ERCC8: variants seen among roughly 807,000 people sequenced by gnomAD.
ERCC8 encodes the protein DNA excision repair protein ERCC-8.
ERCC8 carries 52 observed loss-of-function variants against 54.9 expected under a neutral mutation model. The observed-to-expected ratio is 0.95, with a 90% CI of 0.76 to 1.19. ERCC8 has a LOEUF of 1.19. ERCC8 is among the 50% of genes most tolerant of loss of function. The pLI is 0.00. For synonymous variants in ERCC8, 146 were observed against 157.2 expected, an observed-to-expected ratio of 0.93 and a Z score of 0.53; for missense variants, 514 against 466.1, an observed-to-expected ratio of 1.10 and a Z score of -0.95.
chr5:60,939,543 G>A (rs1375051903), intron 1 of ERCC8, among the ~76,000 whole-genome samples: 1 of 152,034 alleles, frequency 6.6e-6, no homozygotes, highest in Non-Finnish European at 1.5e-5. Context: ...TGTCACCCAG[G>A]CTGGAGGGTG....
At chr5:60,894,719 A>C (rs998266310) in intron 9 of ERCC8, among the ~76,000 whole-genome samples, 6 of 152,084 alleles carry the variant, frequency 3.9e-5, no homozygotes, top group African/African-American at 1.4e-4. Flanking sequence ...ACTAATGCAA[A>C]TTTGAGAAGC....
rs1747878444 is a variant in ERCC8 at position 60,872,242 on chromosome 5, G to C, written c.*2373C>G. Among the ~76,000 whole-genome samples the C allele has an allele frequency of 6.6e-6, 1 of 152,094 alleles. No individual in the cohort carries two copies. Among genetic ancestry groups the C allele is most frequent in the African/African-American group, 2.4e-5 (1 of 41,418 alleles). On this transcript the variant is annotated 3_prime_UTR_variant, in exon 12 of 12. Coordinates refer to ENST00000676185, the MANE Select transcript of ERCC8 (RefSeq NM_000082.4). ...AGAAAATGCTCCATGACATTGGTCT[G>C]GGCAATGATTTTTTTGGATACGATC...
chr5:60,932,517 G>A (rs193282355), intron 1 of ERCC8, among the ~76,000 whole-genome samples: 2 of 152,298 alleles, frequency 1.3e-5, no homozygotes, highest in African/African-American at 4.8e-5. Flanking sequence ...GAGCTTCCCT[G>A]ATAGACATTT....
intron 9 of ERCC8, among the ~76,000 whole-genome samples, chr5:60,896,327 C>T (rs1432982737): frequency 1.3e-5 from 2 of 152,198 alleles, no homozygotes; most frequent in Non-Finnish European, 2.9e-5. Context: ...AGCGATTCTC[C>T]TGTGTCAGCC....
intron 1 of ERCC8, among the ~76,000 whole-genome samples, chr5:60,939,442 A>G (rs1750191204): frequency 6.6e-6 from 1 of 152,074 alleles, no homozygotes; most frequent in African/African-American, 2.4e-5. Flanking sequence ...TTCTTCTGAT[A>G]GACTGGTTTG....
At chr5:60,876,985 G>C (rs1362550947) in intron 11 of ERCC8, among the ~76,000 whole-genome samples, 1 of 152,124 alleles carries the variant, frequency 6.6e-6, no homozygotes, top group African/African-American at 2.4e-5. Flanking sequence ...TAATGCCTAG[G>C]TTTTCTTCTG....
chr5:60,945,020 A>C lies in ERCC8; in HGVS notation c.-12T>G. On this transcript the variant is annotated 5_prime_UTR_variant, in exon 1 of 12. Coordinates refer to ENST00000676185, the MANE Select transcript of ERCC8 (RefSeq NM_000082.4). ...AAAAACCCCAGCATATCGTGTCCTC[A>C]CACCGGCTGGAGCACTGGACGTCGC... is the stretch of plus-strand genomic sequence containing the variant. 1.9e-6 allele frequency: 3 copies of C among 1,611,804 alleles called. No homozygotes were observed. Among genetic ancestry groups the C allele is most frequent in the East Asian group, 2.2e-5 (1 of 44,828 alleles).
At chr5:60,906,780 A>T (rs893880870) in intron 4 of ERCC8, among the ~76,000 whole-genome samples, 1 of 151,852 alleles carries the variant, frequency 6.6e-6, no homozygotes, top group Non-Finnish European at 1.5e-5. Context: ...TACATAAAAT[A>T]AAAAAAATAG....
At chr5:60,903,110 ATT>A (rs1580005245) in intron 6 of ERCC8, among the ~76,000 whole-genome samples, 2 of 151,906 alleles carry the variant, frequency 1.3e-5, no homozygotes, top group East Asian at 3.8e-4. Flanking sequence ...TTCTTAACAT[ATT>A]TGTTATGTGT....
At chr5:60,903,815 C>T in intron 5 of ERCC8, 99 bp from the exon 6 acceptor site, 1 of 1,209,446 alleles carries the variant, frequency 8.3e-7, no homozygotes. Context: ...TCACTGTATC[C>T]ATGCAGAAAT....
chr5:60,944,265 G>A (rs1292252517), intron 1 of ERCC8, among the ~76,000 whole-genome samples: 3 of 152,058 alleles, frequency 2.0e-5, no homozygotes, highest in Non-Finnish European at 2.9e-5. Flanking sequence ...TGTGGCCCAG[G>A]CTTCCAACAA....
chr5:60,871,759 C>T lies in ERCC8; in HGVS notation c.*2856G>A, dbSNP rs879322055. On this transcript the variant is annotated 3_prime_UTR_variant, in exon 12 of 12. Transcript: ENST00000676185. The stretch of plus-strand genomic sequence containing the variant: ...TTACTTGCAGTTTGGAAGCAGACTT[C>T]CTTTTTCTTAAAAATAAATTTCCAA... 2.6e-5 allele frequency among the ~76,000 whole-genome samples: 4 copies of T among 152,122 alleles called. No homozygotes were observed. Among genetic ancestry groups the T allele is most frequent in the Non-Finnish European group, 5.9e-5 (4 of 68,018 alleles).
intron 9 of ERCC8, chr5:60,893,032 G>A (rs999316814): frequency 6.4e-6 from 5 of 784,602 alleles, no homozygotes; most frequent in Middle Eastern, 4.6e-4. Context: ...AACTCATTCC[G>A]AAGGTAATCC....
intron 4 of ERCC8, among the ~76,000 whole-genome samples, chr5:60,912,708 G>A (rs1749306285): frequency 6.6e-6 from 1 of 152,088 alleles, no homozygotes; most frequent in Non-Finnish European, 1.5e-5. Flanking sequence ...TGCCCATTCA[G>A]TATGATATTG....
In ERCC8 at chr5:60,899,670, A is replaced by G. The variant is rs753095874; in HGVS notation, c.675T>C (p.Thr225=). ...DVRRASGCLI[T]LDQHNGKKSQ... is the part of the protein sequence containing the mutation. ...ACTTTTTCCCATTATGTTGATCAAG[A>G]GTAATCAAACATCCTGATGCTCTTC... Residue 225 remains threonine, a synonymous_variant, in exon 8 of 12, where the codon ACT becomes ACC. Transcript: ENST00000676185. 6 of 1,612,490 alleles carry G rather than the reference A, an allele frequency of 3.7e-6. No individual in the cohort carries two copies. Among genetic ancestry groups the G allele is most frequent in the Non-Finnish European group, 1.7e-6 (2 of 1,178,996 alleles).
At chr5:60,877,360 C>G (rs1415803948) in intron 11 of ERCC8, among the ~76,000 whole-genome samples, 2 of 152,138 alleles carry the variant, frequency 1.3e-5, no homozygotes, top group Non-Finnish European at 2.9e-5. Flanking sequence ...CTTGGCAATG[C>G]GGGCTCTTTT....
At chr5:60,903,111 T>C (rs866535496) in intron 6 of ERCC8, among the ~76,000 whole-genome samples, 4 of 152,066 alleles carry the variant, frequency 2.6e-5, no homozygotes, top group African/African-American at 7.2e-5. Context: ...TCTTAACATA[T>C]TTGTTATGTG....
At chr5:60,941,962 C>T (rs1173006415) in intron 1 of ERCC8, among the ~76,000 whole-genome samples, 1 of 151,786 alleles carries the variant, frequency 6.6e-6, no homozygotes, top group Admixed American at 6.6e-5. Flanking sequence ...TATAAGACAA[C>T]AATATATATA....
At chr5:60,919,125 T>C (rs1226108256) in intron 3 of ERCC8, among the ~76,000 whole-genome samples, 1 of 152,044 alleles carries the variant, frequency 6.6e-6, no homozygotes. Context: ...GGATATTTAA[T>C]ATAGATAATT....
Sources: gnomAD v4.1 joint callset for allele counts (sites outside exome capture counted in the v4.1 genomes callset) on GRCh38, gnomAD v4.1.1 for gene constraint, MANE v1.5 for transcripts, NCBI Gene and HGNC (gene_info 2026-07-23, HGNC 2026-07-21) for gene names.